The following UBR4 variants were observed in gnomAD, a reference collection of about 807,000 sequenced individuals.
UBR4 encodes the protein ubiquitin protein ligase E3 component n-recognin 4, also known as E3 ubiquitin-protein ligase UBR4.
A neutral mutation model predicts 575.6 loss-of-function variants in UBR4; 124 were observed. That is an observed-to-expected ratio of 0.22 (90% CI 0.19 to 0.25). The LOEUF is 0.25. Among genes scored for constraint, UBR4 ranks in the 10% least tolerant of loss-of-function variants. The pLI is 1.00. For synonymous variants in UBR4, 2,455 were observed against 2,473.7 expected, an observed-to-expected ratio of 0.99 and a Z score of 0.22; for missense variants, 4,818 against 6,478.8, an observed-to-expected ratio of 0.74 and a Z score of 8.80.
intron 59 of UBR4, 86 bp from the exon 60 acceptor site, chr1:19,138,267 G>C (rs2083418032): frequency 1.5e-6 from 2 of 1,335,240 alleles, no homozygotes; most frequent in Non-Finnish European, 2.0e-6. Flanking sequence ...CAATAGTTAA[G>C]ACAGTAACTG....
chr1:19,093,899 G>C lies in UBR4; in HGVS notation c.13937+50C>G. 2 of 1,567,392 alleles carry C rather than the reference G, an allele frequency of 1.3e-6. No individual in the cohort carries two copies. Among genetic ancestry groups the C allele is most frequent in the Non-Finnish European group, 8.7e-7 (1 of 1,151,330 alleles). On this transcript the variant is annotated intron_variant, in intron 95 of 105. Coordinates refer to ENST00000375254, the MANE Select transcript of UBR4 (RefSeq NM_020765.3). This position sits in a 1 kb window ranked among gnomAD's most constrained non-coding sequence, Gnocchi z 4.8. ...TTCCTCATCTCACAGACCTAGTTCG[G>C]CGTTTTAGTGGAGACTCTCATTTCA...
chr1:19,090,252 T>C (rs996613875), intron 97 of UBR4, among the ~76,000 whole-genome samples: 7 of 152,232 alleles, frequency 4.6e-5, no homozygotes, highest in African/African-American at 1.7e-4. Context: ...ATCCATGAAC[T>C]AGTTTAAGCT....
At position 19,152,897 on chromosome 1, in the gene UBR4, C is replaced by T. The variant is rs546845477; in HGVS notation, c.6832+404G>A. Among the ~76,000 whole-genome samples, 2 of 152,216 alleles carry T rather than the reference C, an allele frequency of 1.3e-5. No individual in the cohort carries two copies. Among genetic ancestry groups the T allele is most frequent in the Non-Finnish European group, 2.9e-5 (2 of 68,028 alleles). On this transcript the variant is annotated intron_variant, in intron 46 of 105. Transcript: ENST00000375254. The surrounding 1 kb of genome is among the most constrained non-coding windows in gnomAD (Gnocchi z 4.4). Reference sequence around the variant, plus strand: ...TTGCTCACTGCTAAACTCAAGCTTTCACTTTCCTGAAGAGTCCTGAGTCAG... The same window carrying T: ...TTGCTCACTGCTAAACTCAAGCTTTTACTTTCCTGAAGAGTCCTGAGTCAG...
chr1:19,076,918 G>A lies in UBR4; in HGVS notation c.15325-16C>T. 3.9e-6 allele frequency: 6 copies of A among 1,532,944 alleles called. No homozygotes were observed. The highest frequency in any genetic ancestry group is 5.2e-6 in the Non-Finnish European group (6 of 1,143,080). 95.0% of individuals were successfully genotyped at this position (1,532,944 alleles called of 1,614,324 possible). A position where few individuals can be genotyped will look rare whatever the true frequency, so the allele number is the denominator to read the frequency against. On this transcript the variant is annotated splice_polypyrimidine_tract_variant and intron_variant, in intron 104 of 105. Transcript: ENST00000375254. Reference sequence around the variant, plus strand: ...TAGGCACCTTCTACGAGAATCAACAGGAGACAAGAGAGGTGGGTGACTTAC... The same window carrying A: ...TAGGCACCTTCTACGAGAATCAACAAGAGACAAGAGAGGTGGGTGACTTAC...
chr1:19,129,891 T>C (rs1235212741), intron 60 of UBR4, among the ~76,000 whole-genome samples: 1 of 152,228 alleles, frequency 6.6e-6, no homozygotes, highest in Non-Finnish European at 1.5e-5. Flanking sequence ...TAGCAAATGG[T>C]CCTTGTCTCA....
intron 11 of UBR4, among the ~76,000 whole-genome samples, chr1:19,188,662 C>A (rs2091787393): frequency 6.6e-6 from 1 of 152,072 alleles, no homozygotes; most frequent in Non-Finnish European, 1.5e-5. Context: ...TCATATAAAT[C>A]AAAAAGAAAA....
intron 105 of UBR4, among the ~76,000 whole-genome samples, chr1:19,076,032 A>G (rs2075902978): frequency 6.6e-6 from 1 of 152,208 alleles, no homozygotes; most frequent in Non-Finnish European, 1.5e-5. Flanking sequence ...ACAACCTCAC[A>G]GGGCACTGTC....
chr1:19,175,326 A>T (rs796884589), intron 20 of UBR4, among the ~76,000 whole-genome samples: 16 of 152,318 alleles, frequency 1.1e-4, no homozygotes, highest in African/African-American at 3.8e-4. Context: ...TCACCCATTG[A>T]GAACCATTGC....
At chr1:19,146,021 G>T (rs1381930221) in intron 52 of UBR4, 88 bp from the exon 53 acceptor site, 1 of 1,603,312 alleles carries the variant, frequency 6.2e-7, no homozygotes, top group Admixed American at 1.7e-5. Flanking sequence ...AAGGAAGCTT[G>T]CCTGGGGAGG....
chr1:19,198,479 C>T, intron 5 of UBR4, 62 bp downstream of exon 5: 2 of 1,559,482 alleles, frequency 1.3e-6, no homozygotes, highest in South Asian at 1.2e-5. Context: ...ACTTTTTCTC[C>T]CCTAGTGTTA....
intron 103 of UBR4, chr1:19,079,357 A>G (rs906388894): frequency 2.0e-5 from 3 of 152,114 alleles, no homozygotes; most frequent in African/African-American, 7.2e-5. Context: ...TCTCTCCCGC[A>G]TACGTGTGAT....
rs1212514968 is a variant in UBR4 at position 19,117,403 on chromosome 1, C to A, written c.10641G>T (p.Leu3547=). The A allele has an allele frequency of 6.2e-7, 1 of 1,614,172 alleles. No individual in the cohort carries two copies. The highest frequency in any genetic ancestry group is 2.2e-5 in the East Asian group (1 of 44,888). ...ACCGCGTGTCCACTTTAATGGAAGA[C>A]AGCTTGATATACTAAATACAAGAGT... ...NPEVPFCYIK[L]SSIKVDTRYT... Residue 3547 remains leucine (L), a synonymous_variant, in exon 73 of 106, where the codon CTG becomes CTT. Transcript: ENST00000375254. The surrounding 1 kb of genome is among the most constrained non-coding windows in gnomAD (Gnocchi z 4.0).
At chr1:19,172,398 T>C (rs2089698343) in intron 25 of UBR4, among the ~76,000 whole-genome samples, 1 of 152,024 alleles carries the variant, frequency 6.6e-6, no homozygotes, top group African/African-American at 2.4e-5. Context: ...ATGCCTGTAA[T>C]CCCAGCTACT....
Position 19,101,587 on chromosome 1 carries a change from C to A in UBR4, c.12956G>T (p.Arg4319Leu). Residue 4319 changes from arginine (R) to leucine (L), a missense_variant, in exon 88 of 106, where the codon CGC (arginine) becomes CTC (leucine). Physicochemically the swap from Arg to Leu is moderately radical, Grantham distance 102. Around this residue, in one of 29 missense-constraint regions of UBR4, gnomAD observed 105 missense variants for 232.8 expected, o/e 0.45. Coordinates refer to ENST00000375254, the MANE Select transcript of UBR4 (RefSeq NM_020765.3). ...FMAVCIETAK[R>L]YNLDDYRTPV... The stretch of plus-strand genomic sequence containing the variant: ...GGTCCGGTAGTCATCCAGATTGTAG[C>A]GCTTGGCTGTCTCAATGCACACAGC... 6.2e-7 allele frequency: 1 copy of A among 1,613,910 alleles called. No individual in the cohort carries two copies. Among genetic ancestry groups the A allele is most frequent in the East Asian group, 2.2e-5 (1 of 44,882 alleles).
In UBR4 at chr1:19,121,414, G is replaced by GGA; in HGVS notation, c.9914_9915dup (p.Gln3306SerfsTer92). 6.2e-7 allele frequency: 1 copy of GGA among 1,613,984 alleles called. No homozygotes were observed. The highest frequency in any genetic ancestry group is 8.5e-7 in the Non-Finnish European group (1 of 1,179,898). On this transcript the variant is annotated frameshift_variant, in exon 68 of 106. Coordinates refer to ENST00000375254, the MANE Select transcript of UBR4 (RefSeq NM_020765.3). LOFTEE classifies it high-confidence loss of function. ...CCCTCATCCACAAGGAAACTGACTTGGAGGAGGAAGTACAGGACGGCTGCA... is the reference window on the plus strand; with the variant it reads ...CCCTCATCCACAAGGAAACTGACTTGGAGAGGAGGAAGTACAGGACGGCTGCA...
At chr1:19,156,220 T>G (rs932645646) in intron 42 of UBR4, 51 bp downstream of exon 42, 2 of 1,597,422 alleles carry the variant, frequency 1.3e-6, no homozygotes, top group African/African-American at 2.7e-5. Flanking sequence ...GATTCTGGAT[T>G]TAAAAGTAGA....
chr1:19,187,573 A>G, intron 11 of UBR4, 33 bp from the exon 12 acceptor site: 1 of 1,598,076 alleles, frequency 6.3e-7, no homozygotes, highest in East Asian at 2.2e-5. Context: ...ACAATCCTTA[A>G]AATAATTAAC....
chr1:19,166,714 CAAAAAAAAAAAAAAAAAAAAAAA>C (rs535369262), intron 29 of UBR4, among the ~76,000 whole-genome samples: 16 of 73,750 alleles, frequency 2.2e-4, no homozygotes, highest in East Asian at 1.6e-3. Flanking sequence ...CCATCTCTAC[CAAAAAAAAAAAAAAAAAAAAAAA>C]AAAAAAAAAA....
chr1:19,159,155 A>G (rs1427869197), intron 39 of UBR4, among the ~76,000 whole-genome samples: 3 of 152,160 alleles, frequency 2.0e-5, no homozygotes, highest in Non-Finnish European at 4.4e-5. Context: ...CCAAAAAAGA[A>G]AGCCAATTTA....
Sources: allele counts gnomAD v4.1 joint callset (sites outside exome capture counted in the v4.1 genomes callset), GRCh38; gene constraint gnomAD v4.1.1; regional missense constraint gnomAD v4.1.1; non-coding constraint Gnocchi (gnomAD v3.1); transcripts MANE v1.5; gene names NCBI Gene and HGNC (gene_info 2026-07-23, HGNC 2026-07-21).